LARGE1: variants seen among roughly 807,000 people sequenced by gnomAD.
The protein encoded by LARGE1 is xylosyl- and glucuronyltransferase LARGE1.
A neutral mutation model predicts 87.6 loss-of-function variants in LARGE1; 43 were observed. The observed-to-expected ratio is 0.49, with a 90% CI of 0.38 to 0.63. The LOEUF (loss-of-function observed/expected upper bound fraction) is 0.63, where lower values mean the gene tolerates loss of function less well. Among genes scored for constraint, LARGE1 ranks in the 30% least tolerant of loss-of-function variants. LARGE1 has a pLI of 0.00. For synonymous variants in LARGE1, 434 were observed against 394.6 expected, an observed-to-expected ratio of 1.10 and a Z score of -1.18; for missense variants, 802 against 1,000.2, an observed-to-expected ratio of 0.80 and a Z score of 2.67.
At chr22:33,751,863 G>A (rs1182602138) in intron 2 of LARGE1, among the ~76,000 whole-genome samples, 1 of 151,948 alleles carries the variant, frequency 6.6e-6, no homozygotes, top group Non-Finnish European at 1.5e-5. Flanking sequence ...CGCCTCCAGG[G>A]TTCAAGCGAT....
At chr22:33,529,048 C>G (rs913918264) in intron 6 of LARGE1, among the ~76,000 whole-genome samples, 1 of 152,206 alleles carries the variant, frequency 6.6e-6, no homozygotes, top group Non-Finnish European at 1.5e-5. Flanking sequence ...ACTCCCTACA[C>G]GTGGAATAGC....
intron 6 of LARGE1, among the ~76,000 whole-genome samples, chr22:33,449,355 C>A (rs1440498640): frequency 6.6e-6 from 1 of 152,122 alleles, no homozygotes; most frequent in Non-Finnish European, 1.5e-5. Flanking sequence ...AAAGGAGTAT[C>A]CCTAGGCAGG....
intron 1 of LARGE1, among the ~76,000 whole-genome samples, chr22:33,846,784 G>C (rs545021660): frequency 6.6e-6 from 1 of 152,222 alleles, no homozygotes; most frequent in East Asian, 1.9e-4. Flanking sequence ...GCGCTCCCAG[G>C]CTTATTAGGA....
chr22:33,614,532 C>T (rs1277253007), intron 4 of LARGE1, among the ~76,000 whole-genome samples: 1 of 152,084 alleles, frequency 6.6e-6, no homozygotes, highest in East Asian at 1.9e-4. Flanking sequence ...CCTCAAAGCT[C>T]ATATCTTCAC....
At chr22:33,720,766 G>T (rs1251405021) in intron 2 of LARGE1, among the ~76,000 whole-genome samples, 1 of 152,192 alleles carries the variant, frequency 6.6e-6, no homozygotes, top group African/African-American at 2.4e-5. Flanking sequence ...GCCTGAAGAA[G>T]TGTAGACTGA....
In LARGE1 at chr22:33,624,494, A is replaced by C. The variant is rs144728743; in HGVS notation, c.491+1750T>G. Among the ~76,000 whole-genome samples the C allele has an allele frequency of 2.2e-3, 332 of 152,280 alleles. 1 individual carries two copies. The highest frequency in any genetic ancestry group is 3.8e-3 in the Non-Finnish European group (261 of 68,028). On this transcript the variant is annotated intron_variant, in intron 4 of 14. Coordinates refer to ENST00000397394, the MANE Select transcript of LARGE1 (RefSeq NM_133642.5). ...TTAAAGGCTAAGAGGGAGTTTGCCA[A>C]GGTGAGGGTGGGAGGAAATGGAGAA...
intron 1 of LARGE1, among the ~76,000 whole-genome samples, chr22:33,914,295 A>T (rs1293693125): frequency 2.0e-5 from 3 of 152,192 alleles, no homozygotes; most frequent in East Asian, 1.9e-4. Context: ...TTTCTTCAAA[A>T]GACCTTTGAT....
intron 12 of LARGE1, among the ~76,000 whole-genome samples, chr22:33,303,097 G>T (rs1934384544): frequency 6.6e-6 from 1 of 152,066 alleles, no homozygotes. Context: ...GGGACCTTTG[G>T]GCCATATGAC....
intron 11 of LARGE1, among the ~76,000 whole-genome samples, chr22:33,204,646 G>T (rs908525508): frequency 2.0e-5 from 3 of 152,116 alleles, no homozygotes; most frequent in African/African-American, 7.2e-5. Flanking sequence ...CCTCTGCTGG[G>T]AGTATGTTTG....
intron 3 of LARGE1, among the ~76,000 whole-genome samples, chr22:33,640,536 G>T (rs1275508007): frequency 1.3e-5 from 2 of 152,150 alleles, no homozygotes; most frequent in African/African-American, 4.8e-5. Flanking sequence ...CTAGCTGCAG[G>T]AGTTTTTTTT....
chr22:33,108,455 G>A, the LARGE1 span: 4 of 152,176 alleles, frequency 2.6e-5, no homozygotes, highest in East Asian at 1.9e-4. Flanking sequence ...CCATGAGCAC[G>A]GTGGGAAGAG....
chr22:33,533,103 A>G (rs1175278077), intron 6 of LARGE1, among the ~76,000 whole-genome samples: 1 of 152,244 alleles, frequency 6.6e-6, no homozygotes, highest in Non-Finnish European at 1.5e-5. Context: ...GTAAAACCCA[A>G]GCTAAATTAT....
chr22:33,208,570 G>A (rs1243131717), intron 11 of LARGE1, among the ~76,000 whole-genome samples: 1 of 139,258 alleles, frequency 7.2e-6, no homozygotes, highest in Non-Finnish European at 1.5e-5. Context: ...TTAAAAACAA[G>A]TCACTTTTTT....
chr22:33,517,679 G>C (rs370379477), intron 6 of LARGE1, among the ~76,000 whole-genome samples: 2 of 152,186 alleles, frequency 1.3e-5, no homozygotes, highest in Non-Finnish European at 2.9e-5. Flanking sequence ...GATTACAGGC[G>C]TGAGCCACTG....
chr22:33,149,047 T>C, the LARGE1 span, among the ~76,000 whole-genome samples: 2 of 145,744 alleles, frequency 1.4e-5, no homozygotes, highest in Non-Finnish European at 3.0e-5. Flanking sequence ...TTTCTTTTTT[T>C]TTTTTTTTGA....
chr22:33,359,030 A>G (rs2064283923), intron 9 of LARGE1, among the ~76,000 whole-genome samples: 1 of 151,846 alleles, frequency 6.6e-6, no homozygotes, highest in Admixed American at 6.6e-5. Flanking sequence ...ATGTCCTTTC[A>G]AGGATATAGT....
At chr22:33,420,595 C>T (rs973371483) in intron 7 of LARGE1, among the ~76,000 whole-genome samples, 35 of 152,016 alleles carry the variant, frequency 2.3e-4, no homozygotes, top group Non-Finnish European at 4.1e-4. Flanking sequence ...TTCCAGGAAA[C>T]GACATCAAAA....
upstream of LARGE1, among the ~76,000 whole-genome samples, chr22:33,922,137 G>C (rs546549363): frequency 1.3e-5 from 2 of 152,202 alleles, no homozygotes; most frequent in South Asian, 4.1e-4. Flanking sequence ...CGCTCTCCAG[G>C]ACTCGAGCGA....
At chr22:33,160,558 T>G (rs1921989385), downstream of LARGE1, among the ~76,000 whole-genome samples, 1 of 152,234 alleles carries the variant, frequency 6.6e-6, no homozygotes, top group Admixed American at 6.5e-5. Flanking sequence ...GTCTGGAGAC[T>G]CTATGTAATT....
Sources: allele counts gnomAD v4.1 joint callset (sites outside exome capture counted in the v4.1 genomes callset), GRCh38; gene constraint gnomAD v4.1.1; transcripts MANE v1.5; gene names NCBI Gene and HGNC (gene_info 2026-07-23, HGNC 2026-07-21).